Variants in SLC18B1 observed in about 807,000 individuals in gnomAD.
SLC18B1 encodes MFS-type transporter SLC18B1.
A neutral mutation model predicts 53.9 loss-of-function variants in SLC18B1; 62 were observed. That is an observed-to-expected ratio of 1.15 (90% CI 0.94 to 1.42). The LOEUF is 1.42. Among genes scored for constraint, SLC18B1 ranks in the 40% most tolerant of loss-of-function variants. The pLI, the probability that SLC18B1 is intolerant of heterozygous loss-of-function variation, is 0.00. For missense variants in SLC18B1, 598 were observed against 547.3 expected (o/e 1.09, Z -0.93); for synonymous variants, 217 against 200.9 (o/e 1.08, Z -0.68).
chr6:132,795,708 T>C (rs1395085071), intron 2 of SLC18B1, among the ~76,000 whole-genome samples: 4 of 152,238 alleles, frequency 2.6e-5, no homozygotes, highest in African/African-American at 9.6e-5. Context: ...AAGCCAGTCA[T>C]ATTCATTTCA....
At position 132,785,709 on chromosome 6, in the gene SLC18B1, T is replaced by G. The variant is rs75696712; in HGVS notation, c.502-1620A>C. Among the ~76,000 whole-genome samples the G allele has an allele frequency of 2.8e-3, 423 of 151,950 alleles. 5 individuals are homozygous for G. The highest frequency in any genetic ancestry group is 9.8e-3 in the African/African-American group (405 of 41,490). On this transcript the variant is annotated intron_variant, in intron 5 of 13. Coordinates refer to ENST00000275227, the MANE Select transcript of SLC18B1 (RefSeq NM_052831.3). ...ATCATAGGAATTTATTAAGTGGCAC[T>G]TTCCAGAGTGTTCCACAGAATACCA...
Position 132,779,412 on chromosome 6 carries a change from G to T in SLC18B1, c.659-8C>A. 2 of 1,543,828 alleles carry T rather than the reference G, an allele frequency of 1.3e-6. No homozygotes were observed. Among genetic ancestry groups the T allele is most frequent in the Non-Finnish European group, 1.7e-6 (2 of 1,144,470 alleles). On this transcript the variant is annotated splice_region_variant and splice_polypyrimidine_tract_variant and intron_variant, in intron 6 of 13. Coordinates refer to ENST00000275227, the MANE Select transcript of SLC18B1 (RefSeq NM_052831.3). ...GTTCACCTGGATCAGACTCTTTAGGGAAAAAATGAAAAAAGAAAAAAAAAA... is the reference window on the plus strand; with the variant it reads ...GTTCACCTGGATCAGACTCTTTAGGTAAAAAATGAAAAAAGAAAAAAAAAA...
In SLC18B1 at chr6:132,772,181, T is replaced by A. The variant is rs1489393721; in HGVS notation, c.1111A>T (p.Ser371Cys). Residue 371 changes from serine to cysteine, a missense_variant, in exon 11 of 14, where the codon AGT becomes TGT. By Grantham distance (112) the Ser-to-Cys change is moderately radical. Transcript: ENST00000275227. ...AHENGFEEGL[S>C]TLGLVSGLFS... is the part of the protein sequence containing the mutation. ...AGACCTGATACAAGTCCCAATGTAC[T>A]TAATCCCTCTTCAAACCCATTTTCA... is the stretch of plus-strand genomic sequence containing the variant. The A allele has an allele frequency of 1.3e-6, 2 of 1,579,404 alleles. No individual in the cohort carries two copies. The highest frequency in any genetic ancestry group is 2.8e-5 in the African/African-American group (2 of 72,064).
rs546570971 is a variant in SLC18B1 at position 132,780,711 on chromosome 6, G to A, written c.659-1307C>T. ...CGAGTAGCTGGGATTACAGGCACAC[G>A]CAACCACACCCAGCTAATTTTTGTA... On this transcript the variant is annotated intron_variant, in intron 6 of 13. Coordinates refer to ENST00000275227, the MANE Select transcript of SLC18B1 (RefSeq NM_052831.3). 7.3e-5 allele frequency among the ~76,000 whole-genome samples: 11 copies of A among 151,058 alleles called. 1 individual carries two copies. In the South Asian group the frequency reaches 8.4e-4, roughly 12 times the overall value.
intron 4 of SLC18B1, among the ~76,000 whole-genome samples, chr6:132,788,488 T>G (rs1361510594): frequency 1.3e-5 from 2 of 152,138 alleles, no homozygotes; most frequent in Non-Finnish European, 2.9e-5. Flanking sequence ...CTGATATAAC[T>G]GGTCCCCCAG....
intron 6 of SLC18B1, among the ~76,000 whole-genome samples, chr6:132,783,458 G>A (rs774661690): frequency 6.6e-6 from 1 of 152,246 alleles, no homozygotes; most frequent in Non-Finnish European, 1.5e-5. Flanking sequence ...TTACAGGCAT[G>A]AGCCACTGTG....
At chr6:132,772,023 C>T (rs1230834220) in intron 11 of SLC18B1, 109 bp downstream of exon 11, 13 of 685,624 alleles carry the variant, frequency 1.9e-5, no homozygotes, top group African/African-American at 1.8e-4. Context: ...ACCTGGGAGG[C>T]GGAGGTTGCA....
chr6:132,778,836 C>A (rs946657115), intron 7 of SLC18B1, among the ~76,000 whole-genome samples: 1 of 152,128 alleles, frequency 6.6e-6, no homozygotes, highest in African/African-American at 2.4e-5. Flanking sequence ...AGTCCATAGT[C>A]ATTTGATTAT....
At chr6:132,784,259 A>C (rs1489010287) in intron 5 of SLC18B1, among the ~76,000 whole-genome samples, 170 bp from the exon 6 acceptor site, 1 of 152,192 alleles carries the variant, frequency 6.6e-6, no homozygotes, top group Non-Finnish European at 1.5e-5. Flanking sequence ...TAGAAAAATA[A>C]AATATGGGAG....
intron 3 of SLC18B1, 38 bp from the exon 4 acceptor site, chr6:132,789,875 C>T: frequency 7.0e-7 from 1 of 1,426,604 alleles, no homozygotes; most frequent in East Asian, 2.3e-5. Flanking sequence ...AAATTTATGA[C>T]TTCCGAAAGT....
chr6:132,777,271 C>T (rs1189942472), intron 7 of SLC18B1, among the ~76,000 whole-genome samples: 1 of 152,108 alleles, frequency 6.6e-6, no homozygotes, highest in Non-Finnish European at 1.5e-5. Flanking sequence ...TATAGTCCAT[C>T]ATCAGCCAGG....
chr6:132,775,233 C>T (rs566246936), intron 8 of SLC18B1, among the ~76,000 whole-genome samples: 20 of 152,342 alleles, frequency 1.3e-4, no homozygotes, highest in African/African-American at 4.6e-4. Flanking sequence ...CCTCATCAGA[C>T]ATCAAATCTG....
chr6:132,797,242 T>C (rs1167654412), intron 1 of SLC18B1, 121 bp from the exon 2 acceptor site: 8 of 1,184,384 alleles, frequency 6.8e-6, no homozygotes, highest in African/African-American at 4.6e-5. Flanking sequence ...CTTAGGGCTA[T>C]TTTGAATATA....
intron 2 of SLC18B1, among the ~76,000 whole-genome samples, chr6:132,796,346 C>T (rs1248250731): frequency 1.1e-5 from 1 of 94,752 alleles, no homozygotes; most frequent in Non-Finnish European, 1.9e-5. Flanking sequence ...GAGTGCGAGA[C>T]TCCATCTCAA....
chr6:132,788,897 A>G (rs1487531784), intron 4 of SLC18B1, among the ~76,000 whole-genome samples: 1 of 144,540 alleles, frequency 6.9e-6, no homozygotes, highest in Non-Finnish European at 1.5e-5. Flanking sequence ...CCCAGTTTCG[A>G]TCTCTCCCGT....
chr6:132,777,442 G>A (rs1441683433), intron 7 of SLC18B1, among the ~76,000 whole-genome samples: 3 of 152,244 alleles, frequency 2.0e-5, no homozygotes, highest in Admixed American at 6.5e-5. Flanking sequence ...GGCCAGGTGC[G>A]GTGGCTCACG....
rs184728218 is a variant in SLC18B1, at chr6:132,790,148, T to C, written c.279+29A>G. On this transcript the variant is annotated intron_variant, in intron 3 of 13. Transcript: ENST00000275227. ...AATCCATCATATAATTTTTAAAAAT[T>C]AAGATGTGCATATGAACTTTATACT... is the stretch of plus-strand genomic sequence containing the variant. The C allele has an allele frequency of 5.4e-5, 79 of 1,465,022 alleles. No homozygotes were observed. The Admixed American group carries it at 1.5e-3, about 27-fold the overall frequency. The allele number at this position is 1,465,022 out of a possible 1,614,324, so 90.8% of individuals were successfully genotyped here. A position where few individuals can be genotyped will look rare whatever the true frequency, so the allele number is the denominator to read the frequency against.
intron 10 of SLC18B1, 74 bp from the exon 11 acceptor site, chr6:132,772,280 C>A: frequency 1.2e-6 from 1 of 855,724 alleles, no homozygotes; most frequent in Non-Finnish European, 1.8e-6. Flanking sequence ...TATGATAGAT[C>A]AATTAAGATA....
chr6:132,786,341 C>T (rs190976431), intron 5 of SLC18B1, among the ~76,000 whole-genome samples: 3 of 151,934 alleles, frequency 2.0e-5, no homozygotes, highest in African/African-American at 4.8e-5. Context: ...GTCAGGAGAT[C>T]GAGACCATCC....
Sources: gnomAD v4.1 joint callset for allele counts (sites outside exome capture counted in the v4.1 genomes callset) on GRCh38, gnomAD v4.1.1 for gene constraint, MANE v1.5 for transcripts, NCBI Gene and HGNC (gene_info 2026-07-23, HGNC 2026-07-21) for gene names.